Variants in GNAS observed in about 807,000 individuals in gnomAD.
GNAS encodes GNAS complex locus.
In GNAS, 8 loss-of-function variants were observed where a neutral mutation model predicts 54.5. The ratio of observed to expected loss-of-function variants is 0.15; its 90% confidence interval spans 0.09 to 0.26. GNAS has a LOEUF of 0.26. Among genes scored for constraint, GNAS ranks in the 10% least tolerant of loss-of-function variants. The pLI is 1.00. For synonymous variants in GNAS, 204 were observed against 191.4 expected (o/e 1.07, Z -0.54); for missense variants, 170 against 529.8 (o/e 0.32, Z 6.67).
intron 1 of GNAS, among the ~76,000 whole-genome samples, chr20:58,875,259 C>T (rs1420147196): frequency 6.6e-6 from 1 of 152,174 alleles, no homozygotes; most frequent in Non-Finnish European, 1.5e-5. Context: ...GCACATGGCA[C>T]ATCTGAAAAG....
chr20:58,908,085 C>CTAACT (rs1160347941), intron 6 of GNAS, among the ~76,000 whole-genome samples: 90 of 152,210 alleles, frequency 5.9e-4, no homozygotes, highest in Non-Finnish European at 2.1e-4. Context: ...CTAAGCCAGA[C>CTAACT]TAACTCTGAA....
At chr20:58,892,743 G>A (rs910312760) in intron 1 of GNAS, among the ~76,000 whole-genome samples, 18 of 151,870 alleles carry the variant, frequency 1.2e-4, no homozygotes, top group African/African-American at 4.1e-4. Flanking sequence ...CCAAAAAATG[G>A]ATAGAGTTAG....
chr20:58,850,389 G>A, intron 1 of GNAS: 1 of 397,168 alleles, frequency 2.5e-6, no homozygotes, highest in Non-Finnish European at 4.4e-6. Flanking sequence ...ACAGACCCAT[G>A]AGGGTGTCGA....
intron 1 of GNAS, among the ~76,000 whole-genome samples, chr20:58,844,841 G>A (rs750613134): frequency 1.8e-4 from 28 of 151,636 alleles, no homozygotes; most frequent in Admixed American, 1.6e-3. Context: ...AAAAAACCCC[G>A]AAAAACAAAA....
upstream of GNAS, among the ~76,000 whole-genome samples, chr20:58,886,689 C>G (rs534749577): frequency 3.4e-4 from 52 of 152,118 alleles, no homozygotes; most frequent in Middle Eastern, 3.4e-3. Flanking sequence ...TTTAGGGCCT[C>G]AAGAGGTCAA....
intron 1 of GNAS, among the ~76,000 whole-genome samples, chr20:58,862,488 C>T (rs2145635644): frequency 6.6e-6 from 1 of 151,900 alleles, no homozygotes; most frequent in South Asian, 2.1e-4. Flanking sequence ...ATTTATTTTC[C>T]TCCTAGATTT....
chr20:58,890,635 G>A (rs904767229), upstream of GNAS: 1 of 152,254 alleles, frequency 6.6e-6, no homozygotes, highest in Admixed American at 6.5e-5. Flanking sequence ...TCCTACTTGG[G>A]CGGCCGCGCC....
chr20:58,903,395 T>A, intron 3 of GNAS, 136 bp from the exon 4 acceptor site: 1 of 805,602 alleles, frequency 1.2e-6, no homozygotes, highest in East Asian at 2.6e-5. Context: ...CTACCTCCAA[T>A]CTTTGCACAG....
At chr20:58,900,097 C>A in intron 3 of GNAS, 1 of 576,976 alleles carries the variant, frequency 1.7e-6, no homozygotes, top group South Asian at 2.1e-5. Context: ...GGGGCCCCTG[C>A]TACCTGACCT....
At chr20:58,842,658 C>T (rs1287943522) in intron 1 of GNAS, 1 of 396,744 alleles carries the variant, frequency 2.5e-6, no homozygotes, top group African/African-American at 2.1e-5. Context: ...TTTTGGCTTG[C>T]CCCTAAGTCG....
At chr20:58,888,975 C>G (rs577911559), upstream of GNAS, 6 of 729,678 alleles carry the variant, frequency 8.2e-6, no homozygotes, top group African/African-American at 1.2e-4. Context: ...TCGCGGCCCC[C>G]GCGCCCCCGG....
chr20:58,893,164 G>C (rs1202889934), intron 1 of GNAS, among the ~76,000 whole-genome samples: 2 of 138,940 alleles, frequency 1.4e-5, no homozygotes, highest in African/African-American at 5.5e-5. Flanking sequence ...GAGATAAAAA[G>C]ACATTAATTA....
At chr20:58,848,426 T>C (rs2086023339) in intron 1 of GNAS, among the ~76,000 whole-genome samples, 1 of 152,166 alleles carries the variant, frequency 6.6e-6, no homozygotes, top group South Asian at 2.1e-4. Flanking sequence ...ATAAACACAT[T>C]AATAGACTTT....
At chr20:58,864,432 A>G (rs1446905811) in intron 1 of GNAS, among the ~76,000 whole-genome samples, 1 of 152,160 alleles carries the variant, frequency 6.6e-6, no homozygotes, top group Non-Finnish European at 1.5e-5. Context: ...AGGGCCTTCA[A>G]GATGCTGAAT....
At chr20:58,840,053 CCA>C (rs1223979444), upstream of GNAS, 6 of 1,594,388 alleles carry the variant, frequency 3.8e-6, no homozygotes, top group Non-Finnish European at 5.1e-6. This position sits in a 1 kb window ranked among gnomAD's most constrained non-coding sequence, Gnocchi z 6.0. Flanking sequence ...TGCTTCGGAG[CCA>C]CTCTCTGCAG....
chr20:58,848,169 T>C (rs2086007529), intron 1 of GNAS, among the ~76,000 whole-genome samples: 2 of 152,250 alleles, frequency 1.3e-5, no homozygotes, highest in African/African-American at 2.4e-5. Context: ...CCTTTCTTAG[T>C]ACATCAAGTG....
intron 1 of GNAS, among the ~76,000 whole-genome samples, chr20:58,864,636 G>A (rs889401597): frequency 2.0e-5 from 3 of 152,202 alleles, no homozygotes; most frequent in Admixed American, 6.5e-5. Flanking sequence ...GAAAATGAGA[G>A]GGATGGCCAG....
chr20:58,884,147 A>G (rs536745495), intron 1 of GNAS, among the ~76,000 whole-genome samples: 1 of 152,312 alleles, frequency 6.6e-6, no homozygotes, highest in East Asian at 1.9e-4. Flanking sequence ...CTAGACCATA[A>G]CGGCAGGGCT....
intron 1 of GNAS, chr20:58,854,879 C>A: frequency 6.9e-6 from 11 of 1,594,488 alleles, no homozygotes; most frequent in Non-Finnish European, 9.4e-6. Flanking sequence ...TCCAGGCTGC[C>A]GATCCGCCTA....
Sources: allele counts gnomAD v4.1 joint callset (sites outside exome capture counted in the v4.1 genomes callset), GRCh38; gene constraint gnomAD v4.1.1; non-coding constraint Gnocchi (gnomAD v3.1); transcripts MANE v1.5; gene names NCBI Gene and HGNC (gene_info 2026-07-23, HGNC 2026-07-21).